SLC8A1: variants seen among roughly 807,000 people sequenced by gnomAD.
SLC8A1 encodes the protein sodium/calcium exchanger 1.
Under a neutral mutation model 68.3 loss-of-function variants are expected in SLC8A1, and 18 were observed. That is an observed-to-expected ratio of 0.26 (90% CI 0.18 to 0.39). The LOEUF (loss-of-function observed/expected upper bound fraction) is 0.39, where lower values mean the gene tolerates loss of function less well. SLC8A1 is among the 10% of genes least tolerant of loss of function. The pLI is 1.00. For missense variants in SLC8A1, 985 were observed against 1,156.7 expected, an observed-to-expected ratio of 0.85 and a Z score of 2.15; for synonymous variants, 475 against 415.5, an observed-to-expected ratio of 1.14 and a Z score of -1.74.
At chr2:40,288,344 T>C (rs183499413) in intron 2 of SLC8A1, among the ~76,000 whole-genome samples, 80 of 152,288 alleles carry the variant, frequency 5.3e-4, no homozygotes, top group Admixed American at 5.1e-3. Flanking sequence ...GGTTTTACAA[T>C]AGGCTTCAGA....
intron 2 of SLC8A1, among the ~76,000 whole-genome samples, chr2:40,254,247 G>C (rs1274943832): frequency 3.3e-5 from 5 of 152,288 alleles, no homozygotes; most frequent in Admixed American, 6.5e-5. Flanking sequence ...ATAGAAATGA[G>C]ATTGGGGTCT....
At chr2:40,491,922 G>A (rs1705341890) in intron 1 of SLC8A1, among the ~76,000 whole-genome samples, 1 of 152,200 alleles carries the variant, frequency 6.6e-6, no homozygotes, top group South Asian at 2.1e-4. Flanking sequence ...ATACTGCCAA[G>A]GTAATTTATA....
chr2:40,248,787 A>T, intron 2 of SLC8A1, among the ~76,000 whole-genome samples: 1 of 152,202 alleles, frequency 6.6e-6, no homozygotes, highest in Non-Finnish European at 1.5e-5. Context: ...TGAAGGTGGG[A>T]CTACTGGCTG....
intron 1 of SLC8A1, among the ~76,000 whole-genome samples, chr2:40,442,406 A>AG (rs1217603113): frequency 2.7e-5 from 4 of 150,912 alleles, no homozygotes; most frequent in African/African-American, 7.3e-5. Context: ...ACAAAAAAAA[A>AG]AAAAAAGAAA....
At chr2:40,504,900 G>A (rs1244155198) in intron 1 of SLC8A1, among the ~76,000 whole-genome samples, 7 of 151,812 alleles carry the variant, frequency 4.6e-5, no homozygotes, top group African/African-American at 1.7e-4. Flanking sequence ...ACAGTTTGGA[G>A]GTTCCTCAAA....
At chr2:40,353,313 G>A (rs750549955) in intron 2 of SLC8A1, among the ~76,000 whole-genome samples, 1 of 152,078 alleles carries the variant, frequency 6.6e-6, no homozygotes, top group Admixed American at 6.6e-5. Context: ...GGAGCAAAGA[G>A]AGCAATCTTC....
chr2:40,334,914 C>T (rs1255526717), intron 2 of SLC8A1, among the ~76,000 whole-genome samples: 1 of 152,182 alleles, frequency 6.6e-6, no homozygotes, highest in Admixed American at 6.6e-5. Flanking sequence ...CAGTAGGCTT[C>T]ATGTCACCTA....
chr2:40,264,146 T>A (rs1236739149), intron 2 of SLC8A1, among the ~76,000 whole-genome samples: 3 of 151,606 alleles, frequency 2.0e-5, no homozygotes, highest in Admixed American at 2.0e-4. Context: ...AAAACCACAA[T>A]GAGATACCAT....
At chr2:40,120,921 G>A (rs543272354) in intron 7 of SLC8A1, 1 of 152,338 alleles carries the variant, frequency 6.6e-6, no homozygotes, top group South Asian at 2.1e-4. Flanking sequence ...AGTGTTAATA[G>A]TGTTAGAAGT....
chr2:40,304,902 T>C (rs1344799316), intron 2 of SLC8A1, among the ~76,000 whole-genome samples: 1 of 152,162 alleles, frequency 6.6e-6, no homozygotes, highest in Non-Finnish European at 1.5e-5. Flanking sequence ...ACTTCCGCTT[T>C]TGAGAATCTT....
intron 6 of SLC8A1, among the ~76,000 whole-genome samples, chr2:40,155,343 A>G (rs1320763461): frequency 2.0e-5 from 3 of 152,042 alleles, no homozygotes; most frequent in Non-Finnish European, 4.4e-5. Context: ...GTTAGCCAGG[A>G]TGGTCTCCAT....
chr2:40,472,191 T>C (rs1010087723), intron 1 of SLC8A1, among the ~76,000 whole-genome samples: 1 of 152,166 alleles, frequency 6.6e-6, no homozygotes, highest in Non-Finnish European at 1.5e-5. Flanking sequence ...TACACACGCA[T>C]ATTGTGGAGT....
chr2:40,341,808 T>C (rs529403534), intron 2 of SLC8A1, among the ~76,000 whole-genome samples: 1 of 152,144 alleles, frequency 6.6e-6, no homozygotes, highest in Non-Finnish European at 1.5e-5. Flanking sequence ...AGGATGATAG[T>C]GATAATGGGT....
chr2:40,400,263 C>T (rs1688314500), intron 2 of SLC8A1, among the ~76,000 whole-genome samples: 1 of 152,086 alleles, frequency 6.6e-6, no homozygotes, highest in African/African-American at 2.4e-5. Context: ...TGTCCTGCTA[C>T]GTAACAACTT....
chr2:40,455,739 T>G (rs1231834612), upstream of SLC8A1, among the ~76,000 whole-genome samples: 1 of 152,254 alleles, frequency 6.6e-6, no homozygotes, highest in Non-Finnish European at 1.5e-5. Context: ...TTCTAAGTGC[T>G]GTTGTTCCTC....
intron 1 of SLC8A1, among the ~76,000 whole-genome samples, chr2:40,488,887 CAG>C (rs946425838): frequency 4.6e-5 from 7 of 152,020 alleles, no homozygotes; most frequent in African/African-American, 1.7e-4. Flanking sequence ...TGTCCATCTT[CAG>C]AGAGAGAGAC....
chr2:40,406,889 C>T (rs1370790116), intron 2 of SLC8A1, among the ~76,000 whole-genome samples: 1 of 152,206 alleles, frequency 6.6e-6, no homozygotes, highest in Non-Finnish European at 1.5e-5. Context: ...ACGTCACATG[C>T]ATATACATAG....
chr2:40,436,958 T>C (rs996917950), intron 1 of SLC8A1, among the ~76,000 whole-genome samples: 2 of 152,162 alleles, frequency 1.3e-5, no homozygotes, highest in African/African-American at 4.8e-5. Context: ...ATGGCAATAA[T>C]GACTGAAATC....
At chr2:40,331,708 C>T (rs2076431268) in intron 2 of SLC8A1, among the ~76,000 whole-genome samples, 1 of 152,036 alleles carries the variant, frequency 6.6e-6, no homozygotes, top group Non-Finnish European at 1.5e-5. Context: ...ATTCTCCTGC[C>T]TTAGCCTACC....
Sources: gnomAD v4.1 joint callset for allele counts (sites outside exome capture counted in the v4.1 genomes callset) on GRCh38, gnomAD v4.1.1 for gene constraint, MANE v1.5 for transcripts, NCBI Gene and HGNC (gene_info 2026-07-23, HGNC 2026-07-21) for gene names.